The following RIMS1 variants were observed in gnomAD, a reference collection of about 807,000 sequenced individuals.
RIMS1 encodes the protein regulating synaptic membrane exocytosis protein 1.
A neutral mutation model predicts 214.1 loss-of-function variants in RIMS1; 83 were observed. The ratio of observed to expected loss-of-function variants is 0.39; its 90% CI spans 0.32 to 0.47. The LOEUF is 0.47. RIMS1 is among the 20% of genes least tolerant of loss of function. The pLI is 0.99. For synonymous variants in RIMS1, 793 were observed against 786.8 expected (o/e 1.01, Z -0.13); for missense variants, 2,050 against 2,161.8 (o/e 0.95, Z 1.03).
At position 72,179,745 on chromosome 6, in the gene RIMS1, G is replaced by C. The variant is rs371815320; in HGVS notation, c.642G>C (p.Glu214Asp). 4.3e-5 allele frequency: 69 copies of C among 1,613,738 alleles called. No homozygotes were observed. The highest frequency in any genetic ancestry group is 5.1e-5 in the Non-Finnish European group (60 of 1,179,880). ...VPREKKARLQ[E>D]RSRSQTPLST... Reference sequence around the variant, plus strand: ...GAGAAAAGAAAGCACGACTCCAAGAGCGATCGCGGTCTCAGACACCCCTAA... The same window carrying C: ...GAGAAAAGAAAGCACGACTCCAAGACCGATCGCGGTCTCAGACACCCCTAA... Residue 214 changes from glutamate (E) to aspartate (D), a missense_variant, in exon 5 of 34, where the codon GAG (glutamate) becomes GAC (aspartate). Glu to Asp is a conservative substitution (Grantham distance 45). Coordinates refer to ENST00000521978, the MANE Select transcript of RIMS1 (RefSeq NM_014989.7).
intron 31 of RIMS1, among the ~76,000 whole-genome samples, chr6:72,396,477 A>G (rs917603191): frequency 6.6e-6 from 1 of 152,214 alleles, no homozygotes; most frequent in Non-Finnish European, 1.5e-5. Context: ...GCTGTGACCC[A>G]GCAATACAAC....
chr6:71,904,520 T>A (rs1774688754), intron 1 of RIMS1, among the ~76,000 whole-genome samples: 1 of 152,090 alleles, frequency 6.6e-6, no homozygotes, highest in Admixed American at 6.6e-5. Flanking sequence ...CAAAGGGAAG[T>A]CTGATAGCTA....
intron 2 of RIMS1, among the ~76,000 whole-genome samples, chr6:72,003,015 C>A (rs1805843075): frequency 6.6e-6 from 1 of 152,134 alleles, no homozygotes; most frequent in Non-Finnish European, 1.5e-5. Flanking sequence ...AATGAAATAT[C>A]CATTTTTATC....
intron 2 of RIMS1, among the ~76,000 whole-genome samples, chr6:72,002,356 T>C (rs1047878219): frequency 1.3e-5 from 2 of 151,190 alleles, no homozygotes; most frequent in African/African-American, 4.9e-5. Flanking sequence ...TGAAAGGTGA[T>C]GTAGCAGCCG....
chr6:71,945,588 T>C (rs1022783326), intron 1 of RIMS1, among the ~76,000 whole-genome samples: 8 of 152,052 alleles, frequency 5.3e-5, no homozygotes, highest in Non-Finnish European at 8.8e-5. Flanking sequence ...TTGAAACCTT[T>C]TTTCCTAAGA....
intron 23 of RIMS1, among the ~76,000 whole-genome samples, chr6:72,279,002 C>T (rs1223621827): frequency 6.6e-6 from 1 of 151,866 alleles, no homozygotes; most frequent in Non-Finnish European, 1.5e-5. Context: ...ACTTTTGTTA[C>T]AGTATTTCCA....
chr6:72,109,135 A>G (rs2035453606), intron 4 of RIMS1, among the ~76,000 whole-genome samples: 2 of 152,090 alleles, frequency 1.3e-5, no homozygotes, highest in African/African-American at 2.4e-5. Flanking sequence ...AGTCTTTGCT[A>G]TTGTGAATAG....
At chr6:72,282,582 ATAG>A (rs141258070) in intron 23 of RIMS1, among the ~76,000 whole-genome samples, 1,697 of 152,274 alleles carry the variant, frequency 0.011, 10 homozygotes, top group Non-Finnish European at 0.017. Context: ...TCTTTGCTGT[ATAG>A]TATAGAACAG....
chr6:71,925,050 C>T (rs1781206688), intron 1 of RIMS1, among the ~76,000 whole-genome samples: 1 of 152,056 alleles, frequency 6.6e-6, no homozygotes, highest in Non-Finnish European at 1.5e-5. Context: ...GTGCATACAT[C>T]AATGTTTAAA....
At chr6:72,292,346 T>C (rs890076987) in intron 26 of RIMS1, among the ~76,000 whole-genome samples, 1 of 152,112 alleles carries the variant, frequency 6.6e-6, no homozygotes, top group Non-Finnish European at 1.5e-5. Context: ...AATTTAAAAA[T>C]CTCATTGCAA....
At position 72,041,577 on chromosome 6, in the gene RIMS1, A is replaced by G. The variant is rs531739680; in HGVS notation, c.246-55372A>G. ...TTGTTTTACTAATACATTTTAAATT[A>G]TACTGCTGCTATTACTCTCTCTTGT... On this transcript the variant is annotated intron_variant, in intron 2 of 33. Transcript: ENST00000521978. 1.2e-4 allele frequency among the ~76,000 whole-genome samples: 19 copies of G among 152,098 alleles called. No homozygotes were observed. The South Asian group carries it at 3.9e-3, about 31-fold the overall frequency.
At chr6:72,210,355 A>T (rs2154005554) in intron 6 of RIMS1, among the ~76,000 whole-genome samples, 1 of 152,300 alleles carries the variant, frequency 6.6e-6, no homozygotes, top group South Asian at 2.1e-4. Context: ...TCAATGCAGG[A>T]CTTCTGACCA....
At chr6:72,254,679 T>C (rs2075019306) in intron 16 of RIMS1, among the ~76,000 whole-genome samples, 1 of 152,200 alleles carries the variant, frequency 6.6e-6, no homozygotes, top group Admixed American at 6.5e-5. Context: ...AATAAATGCT[T>C]GCACAAATGA....
intron 29 of RIMS1, among the ~76,000 whole-genome samples, chr6:72,337,218 T>C (rs1171072206): frequency 6.6e-6 from 1 of 151,796 alleles, no homozygotes; most frequent in South Asian, 2.1e-4. Flanking sequence ...TTTTAATCTC[T>C]GTTGATTTTA....
rs2098842160 is a variant in RIMS1, at chr6:72,402,695, T to C, written c.*1981T>C. ...GTGGCCAACAATCAACTGATTATAA[T>C]TGGGTAGTATCTTTCTATTTTGACC... On this transcript the variant is annotated 3_prime_UTR_variant, in exon 34 of 34. Coordinates refer to ENST00000521978, the MANE Select transcript of RIMS1 (RefSeq NM_014989.7). The C allele has an allele frequency of 6.6e-6, 1 of 152,642 alleles. No individual in the cohort carries two copies. Among genetic ancestry groups the C allele is most frequent in the Non-Finnish European group, 1.5e-5 (1 of 68,042 alleles). 9.5% of individuals were successfully genotyped at this position (152,642 alleles called of 1,614,324 possible).
intron 2 of RIMS1, among the ~76,000 whole-genome samples, chr6:72,087,082 C>T (rs1834847976): frequency 6.6e-6 from 1 of 152,162 alleles, no homozygotes; most frequent in African/African-American, 2.4e-5. Context: ...TTTGCTGTCC[C>T]TGCAGCTTCT....
intron 19 of RIMS1, chr6:72,263,709 G>A: frequency 2.0e-6 from 2 of 985,198 alleles, no homozygotes; most frequent in Non-Finnish European, 1.2e-6. Context: ...TCCTCAACTT[G>A]TACTTAATAA....
chr6:71,931,709 T>C (rs1783105944), intron 1 of RIMS1, among the ~76,000 whole-genome samples: 1 of 152,146 alleles, frequency 6.6e-6, no homozygotes, highest in South Asian at 2.1e-4. Flanking sequence ...CTGTTTACTC[T>C]ATTGATAGTT....
At chr6:72,022,390 C>T (rs1398553500) in intron 2 of RIMS1, among the ~76,000 whole-genome samples, 1 of 152,078 alleles carries the variant, frequency 6.6e-6, no homozygotes, top group African/African-American at 2.4e-5. Context: ...CAAATTATTA[C>T]ATGTAAATGT....
Sources: allele counts gnomAD v4.1 joint callset (sites outside exome capture counted in the v4.1 genomes callset), GRCh38; gene constraint gnomAD v4.1.1; transcripts MANE v1.5; gene names NCBI Gene and HGNC (gene_info 2026-07-23, HGNC 2026-07-21).